Variants in WDR70 observed in about 807,000 individuals in gnomAD.
WDR70 encodes WD repeat-containing protein 70.
WDR70 carries 53 observed loss-of-function variants against 88.6 expected under a neutral mutation model. The observed-to-expected ratio is 0.60, with a 90% CI of 0.48 to 0.75. The LOEUF (loss-of-function observed/expected upper bound fraction) is 0.75, where lower values mean the gene tolerates loss of function less well. Ranked by LOEUF, WDR70 falls within the 30% of genes least tolerant of loss-of-function variation. The pLI is 0.00. For synonymous variants in WDR70, 280 were observed against 270.0 expected (o/e 1.04, Z -0.36); for missense variants, 610 against 823.2 (o/e 0.74, Z 3.17).
At position 37,415,504 on chromosome 5, in the gene WDR70, G is replaced by A. The variant is rs1204296864; in HGVS notation, c.492+18934G>A. 1.7e-4 allele frequency among the ~76,000 whole-genome samples: 14 copies of A among 82,444 alleles called. 4 individuals are homozygous for A. The East Asian group carries it at 4.3e-3, about 25-fold the overall frequency. 54.1% of individuals were successfully genotyped at this position (82,444 alleles called of 152,430 possible). On this transcript the variant is annotated intron_variant, in intron 5 of 17. Transcript: ENST00000265107. ...CCCGGAAGGGGCGGCTGGGGGTGGGGGGGGCCTGACCCCCCCACCTCACCT... is the reference window on the plus strand; with the variant it reads ...CCCGGAAGGGGCGGCTGGGGGTGGGAGGGGCCTGACCCCCCCACCTCACCT...
chr5:37,665,477 C>T lies in WDR70; in HGVS notation c.1093-32178C>T, dbSNP rs374131562. ...CTTGTCCAAGCATCTGCTGCACAGGCGCAGAAACAGATAAGTTGTTTCAGC... is the reference window on the plus strand; with the variant it reads ...CTTGTCCAAGCATCTGCTGCACAGGTGCAGAAACAGATAAGTTGTTTCAGC... On this transcript the variant is annotated intron_variant, in intron 10 of 17. Transcript: ENST00000265107. Among the ~76,000 whole-genome samples the T allele has an allele frequency of 7.2e-5, 11 of 152,240 alleles. No homozygotes were observed. In the East Asian group the frequency reaches 1.2e-3, roughly 16 times the overall value.
rs1016307237 is a variant in WDR70 at position 37,724,748 on chromosome 5, A to C, written c.1598-186A>C. The C allele has an allele frequency of 9.8e-5, 59 of 600,496 alleles. No individual in the cohort carries two copies. The Middle Eastern group carries it at 1.4e-3, about 14-fold the overall frequency. The allele number at this position is 600,496 out of a possible 1,614,324, so 37.2% of individuals were successfully genotyped here. On this transcript the variant is annotated intron_variant, in intron 15 of 17. Transcript: ENST00000265107. Reference sequence around the variant, plus strand: ...CCTGAGTGCTGTTAGCTGCCAGGAGAGGTGACCAGTGAGTCTGGTCTCAAG... The same window carrying C: ...CCTGAGTGCTGTTAGCTGCCAGGAGCGGTGACCAGTGAGTCTGGTCTCAAG...
chr5:37,626,602 GTTT>G (rs1355497096), intron 10 of WDR70, among the ~76,000 whole-genome samples: 1 of 152,152 alleles, frequency 6.6e-6, no homozygotes, highest in Non-Finnish European at 1.5e-5. Flanking sequence ...TCCTTATCTA[GTTT>G]TGGTATCAGG....
At chr5:37,563,086 C>CCACCT (rs1742571783) in intron 9 of WDR70, among the ~76,000 whole-genome samples, 1 of 73,858 alleles carries the variant, frequency 1.4e-5, no homozygotes, top group South Asian at 5.5e-4. Flanking sequence ...GCTGACCCCC[C>CCACCT]CCGCCTCCCT....
At chr5:37,727,173 A>G (rs1747995070) in intron 17 of WDR70, 128 bp downstream of exon 17, 1 of 1,172,186 alleles carries the variant, frequency 8.5e-7, no homozygotes, top group Non-Finnish European at 1.2e-6. Flanking sequence ...AAAATAGGCC[A>G]GGTACTCATG....
chr5:37,517,509 A>G (rs1252232928), intron 9 of WDR70, among the ~76,000 whole-genome samples: 1 of 151,986 alleles, frequency 6.6e-6, no homozygotes, highest in African/African-American at 2.4e-5. Context: ...CTGGAATTAC[A>G]GGCATGCATC....
chr5:37,532,149 C>T (rs921811502), intron 9 of WDR70, among the ~76,000 whole-genome samples: 1 of 152,108 alleles, frequency 6.6e-6, no homozygotes, highest in Non-Finnish European at 1.5e-5. Context: ...ACAGGTTTTC[C>T]TTTATAGGTT....
intron 10 of WDR70, among the ~76,000 whole-genome samples, chr5:37,632,584 T>A (rs6897323): frequency 0.04 from 6,124 of 152,250 alleles, 438 homozygotes; most frequent in African/African-American, 0.14. Context: ...AAGTTAAAAA[T>A]TTTTAATAGA....
At chr5:37,743,873 G>A (rs570261501) in intron 17 of WDR70, among the ~76,000 whole-genome samples, 4 of 152,300 alleles carry the variant, frequency 2.6e-5, no homozygotes, top group South Asian at 2.1e-4. Flanking sequence ...CAGCCCAGAC[G>A]AGTGGGTTTC....
At position 37,567,240 on chromosome 5, in the gene WDR70, G is replaced by A. The variant is rs73749064; in HGVS notation, c.918-37824G>A. ...TAGTCATCACACCACAACTTTTATT[G>A]TGGTACACAAAAATATAACCTAAAT... is the stretch of plus-strand genomic sequence containing the variant. On this transcript the variant is annotated intron_variant, in intron 9 of 17. Coordinates refer to ENST00000265107, the MANE Select transcript of WDR70 (RefSeq NM_018034.4). 8.2e-3 allele frequency among the ~76,000 whole-genome samples: 1,254 copies of A among 152,190 alleles called. 19 individuals carry two copies. Among genetic ancestry groups the A allele is most frequent in the African/African-American group, 0.028 (1,150 of 41,500 alleles).
At chr5:37,412,333 G>A (rs753422721) in intron 5 of WDR70, among the ~76,000 whole-genome samples, 5 of 152,178 alleles carry the variant, frequency 3.3e-5, no homozygotes, top group African/African-American at 4.8e-5. Flanking sequence ...GTTGCAGTGA[G>A]CTGAGATCTT....
At chr5:37,562,601 G>T (rs892438077) in intron 9 of WDR70, among the ~76,000 whole-genome samples, 1 of 152,170 alleles carries the variant, frequency 6.6e-6, no homozygotes, top group East Asian at 1.9e-4. Flanking sequence ...CCGGCCTTCC[G>T]CAGTGTTTGT....
At chr5:37,382,570 C>A (rs1362349801) in intron 3 of WDR70, among the ~76,000 whole-genome samples, 3 of 152,040 alleles carry the variant, frequency 2.0e-5, no homozygotes, top group African/African-American at 7.2e-5. Flanking sequence ...CGCCACCACG[C>A]CCAGCTAATT....
intron 10 of WDR70, among the ~76,000 whole-genome samples, chr5:37,606,319 A>G (rs1744029407): frequency 6.6e-6 from 1 of 152,180 alleles, no homozygotes; most frequent in Non-Finnish European, 1.5e-5. Context: ...TGTAAACCTC[A>G]TAAAGCTTCA....
intron 8 of WDR70, chr5:37,506,430 T>G (rs574109060): frequency 1.3e-6 from 1 of 770,396 alleles, no homozygotes; most frequent in East Asian, 2.4e-5. Flanking sequence ...TTCAAAGTAC[T>G]CAGGACTTTG....
At chr5:37,682,518 GT>G (rs547682719) in intron 10 of WDR70, among the ~76,000 whole-genome samples, 1,806 of 67,262 alleles carry the variant, frequency 0.027, 17 homozygotes, top group Non-Finnish European at 0.053. Context: ...GTAATGTTAG[GT>G]TGTTAAGTTG....
intron 11 of WDR70, among the ~76,000 whole-genome samples, chr5:37,699,784 C>T (rs538294746): frequency 3.9e-4 from 59 of 151,506 alleles, no homozygotes; most frequent in Admixed American, 2.6e-4. Flanking sequence ...CCTGTCTCTA[C>T]GAAAAATACA....
At chr5:37,554,789 C>A (rs936386456) in intron 9 of WDR70, among the ~76,000 whole-genome samples, 3 of 152,070 alleles carry the variant, frequency 2.0e-5, no homozygotes, top group African/African-American at 7.2e-5. Context: ...GCACTACAGC[C>A]TCAAACTCCT....
Position 37,544,577 on chromosome 5 carries a change from T to C in WDR70, c.917+27987T>C, listed in dbSNP as rs75113218. ...ATGGCATGGCATAATGGAAAGAGTG[T>C]GTACTTTGTAGTGAGAACCAGAGGA... On this transcript the variant is annotated intron_variant, in intron 9 of 17. Transcript: ENST00000265107. 2.8e-4 allele frequency among the ~76,000 whole-genome samples: 42 copies of C among 152,320 alleles called. No individual in the cohort carries two copies. In the South Asian group the frequency reaches 6.4e-3, roughly 23 times the overall value.
Sources: gnomAD v4.1 joint callset for allele counts (sites outside exome capture counted in the v4.1 genomes callset) on GRCh38, gnomAD v4.1.1 for gene constraint, MANE v1.5 for transcripts, NCBI Gene and HGNC (gene_info 2026-07-23, HGNC 2026-07-21) for gene names.